EIF3J: variants seen among roughly 807,000 people sequenced by gnomAD.
EIF3J encodes the protein eukaryotic translation initiation factor 3 subunit J, also known as eukaryotic translation initiation factor 3, subunit 1 (alpha, 35kD).
In EIF3J, 15 loss-of-function variants were observed where a neutral mutation model predicts 39.0. The ratio of observed to expected loss-of-function variants is 0.38; its 90% CI spans 0.26 to 0.59. EIF3J has a LOEUF of 0.59. EIF3J is among the 20% of genes least tolerant of loss of function. EIF3J has a pLI of 0.60. For missense variants in EIF3J, 226 were observed against 308.6 expected, an observed-to-expected ratio of 0.73 and a Z score of 2.00; for synonymous variants, 98 against 112.9, an observed-to-expected ratio of 0.87 and a Z score of 0.84.
intron 4 of EIF3J, among the ~76,000 whole-genome samples, chr15:44,553,092 A>C (rs575951278): frequency 6.6e-6 from 1 of 151,818 alleles, no homozygotes; most frequent in South Asian, 2.1e-4. Context: ...AGGCTAAGGT[A>C]GGAGAATCAC....
intron 2 of EIF3J, among the ~76,000 whole-genome samples, chr15:44,540,235 CTATATATA>C (rs1158019805): frequency 0.027 from 2,079 of 76,202 alleles, 60 homozygotes; most frequent in East Asian, 0.13. Context: ...CCGCGCCTGG[CTATATATA>C]TATATATATA....
intron 2 of EIF3J, among the ~76,000 whole-genome samples, chr15:44,549,424 A>G (rs2082080467): frequency 6.6e-6 from 1 of 151,954 alleles, no homozygotes; most frequent in Admixed American, 6.6e-5. Context: ...AAACAACAAA[A>G]AAACAAGAAA....
At chr15:44,538,249 G>A (rs923496608) in intron 2 of EIF3J, among the ~76,000 whole-genome samples, 1 of 151,176 alleles carries the variant, frequency 6.6e-6, no homozygotes, top group Non-Finnish European at 1.5e-5. Flanking sequence ...AACTCCGAAG[G>A]GTTCATTATA....
In EIF3J at chr15:44,537,331, C is replaced by G; in HGVS notation, c.51C>G (p.Asp17Glu). The change falls in exon 2 of 8, where the codon GAC becomes GAG. Residue 17 changes from aspartate to glutamate, a missense_variant. Physicochemically the swap from Asp to Glu is conservative, Grantham distance 45. This residue lies in a region of EIF3J where 143 missense variants were observed against 156.0 expected (regional missense o/e 0.92). Coordinates refer to ENST00000261868, the MANE Select transcript of EIF3J (RefSeq NM_003758.4). Reference protein sequence around the residue: ...AAGDSDSWDADAFSVEDPVRK... With the variant: ...AAGDSDSWDAEAFSVEDPVRK... ...GCTCGCTTTCTTCCGTAGACGCCGACGCTTTCTCCGTGGAAGACCCAGTGC... is the reference window on the plus strand; with the variant it reads ...GCTCGCTTTCTTCCGTAGACGCCGAGGCTTTCTCCGTGGAAGACCCAGTGC... 1 of 1,563,586 alleles carries G rather than the reference C, an allele frequency of 6.4e-7. No homozygotes were observed. Among genetic ancestry groups the G allele is most frequent in the Non-Finnish European group, 8.7e-7 (1 of 1,154,252 alleles).
chr15:44,550,819 A>G, intron 2 of EIF3J, 57 bp from the exon 3 acceptor site: 1 of 1,215,736 alleles, frequency 8.2e-7, no homozygotes, highest in South Asian at 1.3e-5. Context: ...GTTGATAATA[A>G]AGTTCACATA....
At chr15:44,556,648 A>T (rs911349628) in intron 5 of EIF3J, among the ~76,000 whole-genome samples, 1 of 152,112 alleles carries the variant, frequency 6.6e-6, no homozygotes, top group Non-Finnish European at 1.5e-5. Context: ...CTGGGATTAC[A>T]GATACATGCC....
At chr15:44,543,706 C>A (rs942409125) in intron 2 of EIF3J, among the ~76,000 whole-genome samples, 1 of 152,188 alleles carries the variant, frequency 6.6e-6, no homozygotes, top group African/African-American at 2.4e-5. Flanking sequence ...GTCACCACGC[C>A]TGGCCAGAAT....
chr15:44,558,870 A>C (rs1291887480), intron 6 of EIF3J: 1 of 152,182 alleles, frequency 6.6e-6, no homozygotes, highest in Non-Finnish European at 1.5e-5. Flanking sequence ...TTTATTCTGC[A>C]TGTACTAATT....
intron 6 of EIF3J, 96 bp from the exon 7 acceptor site, chr15:44,560,153 G>T: frequency 3.3e-6 from 3 of 898,142 alleles, no homozygotes; most frequent in Non-Finnish European, 5.0e-6. Context: ...TGTACATTTT[G>T]GGATATATAG....
At position 44,537,403 on chromosome 15, in the gene EIF3J, C is replaced by T; in HGVS notation, c.123C>T (p.Gly41=). The change falls in exon 2 of 8, where the codon GGC becomes GGT. Residue 41 remains glycine, a synonymous_variant. Coordinates refer to ENST00000261868, the MANE Select transcript of EIF3J (RefSeq NM_003758.4). The part of the protein sequence containing the change: ...GGTAGGDRWE[G]EDEDEDVKDN... ...CTGCCGGCGGGGACCGCTGGGAAGG[C>T]GAGGACGAGGACGAGGACGTCAAGG... is the stretch of plus-strand genomic sequence containing the variant. 5.1e-6 allele frequency: 8 copies of T among 1,556,862 alleles called. No homozygotes were observed. Among genetic ancestry groups the T allele is most frequent in the Non-Finnish European group, 6.1e-6 (7 of 1,150,386 alleles).
rs76967046 is a variant in EIF3J, at chr15:44,551,400, A to G, written c.203-31A>G. On this transcript the variant is annotated intron_variant, in intron 3 of 7. Coordinates refer to ENST00000261868, the MANE Select transcript of EIF3J (RefSeq NM_003758.4). ...ATCCATAAACTGGAAAATACTCAGTATAACTGAATAAAACTTTTTTTTACT... is the reference window on the plus strand; with the variant it reads ...ATCCATAAACTGGAAAATACTCAGTGTAACTGAATAAAACTTTTTTTTACT... 4.6e-4 allele frequency: 648 copies of G among 1,395,422 alleles called. 4 individuals carry two copies. In the African/African-American group the frequency reaches 8.4e-3, roughly 18 times the overall value. The allele number at this position is 1,395,422 out of a possible 1,614,324, so 86.4% of individuals were successfully genotyped here.
chr15:44,540,263 ATATATTTTTT>A (rs1463461811), intron 2 of EIF3J, among the ~76,000 whole-genome samples: 4 of 61,518 alleles, frequency 6.5e-5, no homozygotes, highest in African/African-American at 2.3e-4. Context: ...ATATATATAT[ATATATTTTTT>A]TTTTTTTTTT....
chr15:44,539,831 G>A (rs1184462750), intron 2 of EIF3J, among the ~76,000 whole-genome samples: 1 of 150,750 alleles, frequency 6.6e-6, no homozygotes, highest in Non-Finnish European at 1.5e-5. Context: ...GCAGTGGCAC[G>A]ATCTCTGCAA....
intron 5 of EIF3J, among the ~76,000 whole-genome samples, chr15:44,555,686 T>A (rs1361900612): frequency 6.6e-6 from 1 of 152,232 alleles, no homozygotes; most frequent in Non-Finnish European, 1.5e-5. Flanking sequence ...AAGCCTAGCA[T>A]GGGACACCTG....
Position 44,561,032 on chromosome 15 carries a change from A to G in EIF3J, c.660A>G (p.Lys220=), listed in dbSNP as rs201724545. The G allele has an allele frequency of 6.2e-7, 1 of 1,613,516 alleles. No homozygotes were observed. The highest frequency in any genetic ancestry group is 8.5e-7 in the Non-Finnish European group (1 of 1,179,800). ...TTCATCTTTAGCAAAGCAAAGCCAA[A>G]AAGAAGAAGAAAGGTGTGGTTCCTG... ...KQKQEKQSKA[K]KKKKGVVPGG... The change falls in exon 8 of 8, where the codon AAA becomes AAG. Residue 220 remains lysine, a synonymous_variant. Coordinates refer to ENST00000261868, the MANE Select transcript of EIF3J (RefSeq NM_003758.4).
At position 44,562,009 on chromosome 15, in the gene EIF3J, ATTG is replaced by A. The variant is rs1380420500; in HGVS notation, c.*863_*865del. On this transcript the variant is annotated 3_prime_UTR_variant, in exon 8 of 8. Transcript: ENST00000261868. ...GCACCAGTTAACTACAGTTTGGTAA[ATTG>A]TTATGTTAACAATTATGACATCTGC... 2 of 152,614 alleles carry A rather than the reference ATTG, an allele frequency of 1.3e-5. No homozygotes were observed. Among genetic ancestry groups the A allele is most frequent in the African/African-American group, 4.8e-5 (2 of 41,442 alleles). 9.5% of individuals were successfully genotyped at this position (152,614 alleles called of 1,614,324 possible).
In EIF3J at chr15:44,554,598, T is replaced by C; in HGVS notation, c.340T>C (p.Leu114=). 2 of 1,612,670 alleles carry C rather than the reference T, an allele frequency of 1.2e-6. No individual in the cohort carries two copies. Among genetic ancestry groups the C allele is most frequent in the Non-Finnish European group, 1.7e-6 (2 of 1,179,582 alleles). Residue 114 remains leucine (L), a synonymous_variant, in exon 5 of 8, where the codon TTA becomes CTA. Coordinates refer to ENST00000261868, the MANE Select transcript of EIF3J (RefSeq NM_003758.4). ...TAAAGTGCTAACACCAGAAGAACAATTAGCAGATAAACTGCGGCTAAAGAA... is the reference window on the plus strand; with the variant it reads ...TAAAGTGCTAACACCAGAAGAACAACTAGCAGATAAACTGCGGCTAAAGAA... ...EPKVLTPEEQ[L]ADKLRLKKLQ... is the part of the protein sequence containing the mutation.
rs566857023 is a variant in EIF3J, at chr15:44,537,751, G to C, written c.147+324G>C. 3.5e-4 allele frequency among the ~76,000 whole-genome samples: 54 copies of C among 152,346 alleles called. 1 individual carries two copies. The highest frequency in any genetic ancestry group is 6.8e-3 in the Middle Eastern group (2 of 294). On this transcript the variant is annotated intron_variant, in intron 2 of 7. Coordinates refer to ENST00000261868, the MANE Select transcript of EIF3J (RefSeq NM_003758.4). ...CGGAGCCTCTCGCAGGAATGAGACC[G>C]GGAAGTTGGGAATTGAGCCTTGTAG...
chr15:44,554,249 C>T lies in EIF3J; in HGVS notation c.295-304C>T, dbSNP rs576778071. Among the ~76,000 whole-genome samples, 6 of 151,854 alleles carry T rather than the reference C, an allele frequency of 4.0e-5. No individual in the cohort carries two copies. In the South Asian group the frequency reaches 1.0e-3, roughly 26 times the overall value. On this transcript the variant is annotated intron_variant, in intron 4 of 7. Coordinates refer to ENST00000261868, the MANE Select transcript of EIF3J (RefSeq NM_003758.4). Reference sequence around the variant, plus strand: ...AAAATTAGCTGGATGTGGTGGTGCACGCCTGTAATCCCAGCTACTCGGGAG... The same window carrying T: ...AAAATTAGCTGGATGTGGTGGTGCATGCCTGTAATCCCAGCTACTCGGGAG...
Sources: allele counts gnomAD v4.1 joint callset (sites outside exome capture counted in the v4.1 genomes callset), GRCh38; gene constraint gnomAD v4.1.1; regional missense constraint gnomAD v4.1.1; transcripts MANE v1.5; gene names NCBI Gene and HGNC (gene_info 2026-07-23, HGNC 2026-07-21).